The following NADSYN1 variants were observed in gnomAD, a reference collection of about 807,000 sequenced individuals.
The protein encoded by NADSYN1 is NAD synthetase 1.
In NADSYN1, 80 loss-of-function variants were observed where a neutral mutation model predicts 99.3. The observed-to-expected ratio is 0.81, with a 90% CI of 0.67 to 0.97. The LOEUF is 0.97. Ranked by LOEUF, NADSYN1 falls within the 50% of genes least tolerant of loss-of-function variation. NADSYN1 has a pLI of 0.00. For missense variants in NADSYN1, 859 were observed against 948.5 expected (o/e 0.91, Z 1.24); for synonymous variants, 385 against 372.1 (o/e 1.03, Z -0.40).
At chr11:71,484,700 A>G in intron 15 of NADSYN1, 2 of 505,816 alleles carry the variant, frequency 4.0e-6, no homozygotes, top group Non-Finnish European at 7.1e-6. Flanking sequence ...TAAGAGCAAG[A>G]GCGGGGGTGT....
intron 8 of NADSYN1, 24 bp from the exon 9 acceptor site, chr11:71,474,371 C>T (rs1949649924): frequency 4.3e-6 from 7 of 1,613,782 alleles, no homozygotes; most frequent in Non-Finnish European, 5.9e-6. Flanking sequence ...CTGACCACTC[C>T]GCTATGGGGT....
rs1306289467 is a variant in NADSYN1 at position 71,501,674 on chromosome 11, A to G, written c.*322A>G. 5.3e-6 allele frequency: 2 copies of G among 379,698 alleles called. No individual in the cohort carries two copies. Among genetic ancestry groups the G allele is most frequent in the Non-Finnish European group, 9.6e-6 (2 of 208,460 alleles). The allele number at this position is 379,698 out of a possible 1,614,324, so 23.5% of individuals were successfully genotyped here. A position where few individuals can be genotyped will look rare whatever the true frequency, so the allele number is the denominator to read the frequency against. On this transcript the variant is annotated 3_prime_UTR_variant, in exon 21 of 21. Coordinates refer to ENST00000319023, the MANE Select transcript of NADSYN1 (RefSeq NM_018161.5). ...CCCCGTGTGGCATCTTTGCTGCAGGAACAAGAACAGTAGCTCCCGGGAAGG... is the reference window on the plus strand; with the variant it reads ...CCCCGTGTGGCATCTTTGCTGCAGGGACAAGAACAGTAGCTCCCGGGAAGG...
intron 18 of NADSYN1, 132 bp downstream of exon 18, chr11:71,492,035 G>T (rs1949783195): frequency 5.2e-6 from 4 of 771,058 alleles, no homozygotes; most frequent in South Asian, 3.6e-5. Flanking sequence ...TGGCCTGGGT[G>T]CCCAGGGCTC....
At chr11:71,491,036 C>T (rs968786872) in intron 17 of NADSYN1, 60 bp downstream of exon 17, 25 of 1,602,962 alleles carry the variant, frequency 1.6e-5, no homozygotes, top group South Asian at 5.6e-5. Flanking sequence ...AGCACGGCCC[C>T]GGCCACCCTG....
Position 71,474,508 on chromosome 11 carries a change from G to C in NADSYN1, c.780G>C (p.Gln260His), listed in dbSNP as rs746358455. The C allele has an allele frequency of 3.1e-6, 5 of 1,614,090 alleles. No homozygotes were observed. The African/African-American group carries it at 5.3e-5, about 17-fold the overall frequency. Residue 260 changes from glutamine (Q) to histidine (H), a missense_variant, in exon 9 of 21, where the codon CAG becomes CAC. Transcript: ENST00000319023. ...MNGSVFAQGS[Q>H]FSLDDVEVLT... ...GAAGCGTCTTTGCTCAAGGATCCCA[G>C]TTTTCTCTGGATGACGTGGTAATGA... is the stretch of plus-strand genomic sequence containing the variant.
At chr11:71,464,283 A>C in intron 5 of NADSYN1, 141 bp downstream of exon 5, 1 of 680,588 alleles carries the variant, frequency 1.5e-6, no homozygotes, top group Admixed American at 2.9e-5. Context: ...GACAAAAAGC[A>C]CAAAGAAAGC....
chr11:71,501,426 G>A lies in NADSYN1; in HGVS notation c.*74G>A. 1 of 1,458,376 alleles carries A rather than the reference G, an allele frequency of 6.9e-7. No individual in the cohort carries two copies. The highest frequency in any genetic ancestry group is 1.4e-5 in the African/African-American group (1 of 71,276). 90.3% of individuals were successfully genotyped at this position (1,458,376 alleles called of 1,614,324 possible). A position where few individuals can be genotyped will look rare whatever the true frequency, so the allele number is the denominator to read the frequency against. On this transcript the variant is annotated 3_prime_UTR_variant, in exon 21 of 21. Coordinates refer to ENST00000319023, the MANE Select transcript of NADSYN1 (RefSeq NM_018161.5). ...CATCATCAGCATTGCTGGAGCCAAG[G>A]GTAGGAGCCCTACACTAGGAGCCCA...
At chr11:71,486,748 C>T (rs1949745450) in intron 16 of NADSYN1, among the ~76,000 whole-genome samples, 1 of 149,740 alleles carries the variant, frequency 6.7e-6, no homozygotes, top group Non-Finnish European at 1.5e-5. Context: ...GTCCACATTT[C>T]CTCCCTTCCA....
At position 71,482,904 on chromosome 11, in the gene NADSYN1, C is replaced by G. The variant is rs779294985; in HGVS notation, c.1206C>G (p.Pro402=). 9 of 1,613,118 alleles carry G rather than the reference C, an allele frequency of 5.6e-6. No homozygotes were observed. The African/African-American group carries it at 6.7e-5, about 12-fold the overall frequency. The stretch of plus-strand genomic sequence containing the variant: ...TCGTGAACCAGATCAGCTACACCCC[C>G]CAGGATCCCCGAGACCTCTGTGGAC... ...RTIVNQISYT[P]QDPRDLCGRI... The change falls in exon 14 of 21, where the codon CCC becomes CCG. Residue 402 remains proline (P), a synonymous_variant. Transcript: ENST00000319023.
At chr11:71,482,491 G>A (rs988902356) in intron 13 of NADSYN1, among the ~76,000 whole-genome samples, 37 of 151,250 alleles carry the variant, frequency 2.4e-4, no homozygotes, top group Non-Finnish European at 5.0e-4. Context: ...GCTGTAGACC[G>A]GGGTGCAGCC....
chr11:71,488,492 G>A (rs1001776094), intron 16 of NADSYN1, among the ~76,000 whole-genome samples: 3 of 152,172 alleles, frequency 2.0e-5, no homozygotes, highest in Non-Finnish European at 4.4e-5. Flanking sequence ...GTCTTGAGTG[G>A]GGACTGGAAG....
intron 9 of NADSYN1, among the ~76,000 whole-genome samples, chr11:71,477,935 A>G (rs995604264): frequency 2.6e-5 from 4 of 152,218 alleles, no homozygotes; most frequent in Non-Finnish European, 5.9e-5. Context: ...AGAGGCAGCA[A>G]AGTGGCCTTG....
In NADSYN1 at chr11:71,463,551, G is replaced by T. The variant is rs1035630408; in HGVS notation, c.317+66G>T. 46 of 1,483,616 alleles carry T rather than the reference G, an allele frequency of 3.1e-5. No homozygotes were observed. In the South Asian group the frequency reaches 4.8e-4, roughly 15 times the overall value. 91.9% of individuals were successfully genotyped at this position (1,483,616 alleles called of 1,614,324 possible). On this transcript the variant is annotated intron_variant, in intron 4 of 20. Transcript: ENST00000319023. ...TCTCCCTGGCTCTCAGCTGAGGGCT[G>T]CCAGGACCCGTGCTGGTGCCCTGGG...
intron 16 of NADSYN1, among the ~76,000 whole-genome samples, chr11:71,490,192 G>A (rs571256643): frequency 1.1e-4 from 16 of 152,178 alleles, no homozygotes; most frequent in Admixed American, 2.6e-4. Flanking sequence ...GGCTCACGAC[G>A]CCTCCTCCGT....
intron 3 of NADSYN1, 146 bp downstream of exon 3, chr11:71,458,690 G>T: frequency 1.6e-6 from 1 of 644,304 alleles, no homozygotes; most frequent in Non-Finnish European, 2.8e-6. Context: ...AGTGGGTTTT[G>T]TTCCTATCTC....
At chr11:71,463,567 G>T in intron 4 of NADSYN1, 82 bp downstream of exon 4, 3 of 1,366,402 alleles carry the variant, frequency 2.2e-6, no homozygotes, top group South Asian at 2.4e-5. Context: ...ACCCGTGCTG[G>T]TGCCCTGGGG....
At chr11:71,487,817 C>G (rs1319955340) in intron 16 of NADSYN1, among the ~76,000 whole-genome samples, 21 of 108,160 alleles carry the variant, frequency 1.9e-4, no homozygotes, top group African/African-American at 7.2e-4. Flanking sequence ...GGCGACAGAG[C>G]AAGACTCCGT....
intron 1 of NADSYN1, among the ~76,000 whole-genome samples, chr11:71,454,706 G>A (rs1189721932): frequency 1.3e-5 from 2 of 152,172 alleles, no homozygotes; most frequent in African/African-American, 2.4e-5. Context: ...CTGCTGGATC[G>A]TAATCCTCTA....
chr11:71,500,453 C>G (rs1292454124), intron 20 of NADSYN1, among the ~76,000 whole-genome samples: 1 of 152,092 alleles, frequency 6.6e-6, no homozygotes, highest in African/African-American at 2.4e-5. Context: ...GGTCTGTGCT[C>G]CCAGCATCCC....
Sources: gnomAD v4.1 joint callset for allele counts (sites outside exome capture counted in the v4.1 genomes callset) on GRCh38, gnomAD v4.1.1 for gene constraint, MANE v1.5 for transcripts, NCBI Gene and HGNC (gene_info 2026-07-23, HGNC 2026-07-21) for gene names.